DOCK3: variants seen among roughly 807,000 people sequenced by gnomAD.
The protein encoded by DOCK3 is dedicator of cytokinesis 3, also known as dedicator of cytokinesis protein 3.
A neutral mutation model predicts 265.6 loss-of-function variants in DOCK3; 60 were observed. The observed-to-expected ratio is 0.23, with a 90% CI of 0.18 to 0.28. The LOEUF (loss-of-function observed/expected upper bound fraction) is 0.28. Among genes scored for constraint, DOCK3 ranks in the 10% least tolerant of loss-of-function variants. The pLI, the probability that DOCK3 is intolerant of heterozygous loss-of-function variation, is 1.00. For missense variants in DOCK3, 1,981 were observed against 2,594.3 expected (o/e 0.76, Z 5.14); for synonymous variants, 881 against 938.0 (o/e 0.94, Z 1.11).
chr3:50,726,546 G>A (rs556373970), intron 1 of DOCK3, among the ~76,000 whole-genome samples: 23 of 152,276 alleles, frequency 1.5e-4, no homozygotes, highest in African/African-American at 5.1e-4. Context: ...AGTGGCCTTG[G>A]TAAGCACTGA....
At chr3:51,037,203 T>C (rs958539698) in intron 5 of DOCK3, among the ~76,000 whole-genome samples, 2 of 152,248 alleles carry the variant, frequency 1.3e-5, no homozygotes, top group Admixed American at 1.3e-4. Context: ...CAAACAGCTG[T>C]GTAACAACCA....
At chr3:51,284,749 A>G (rs956653184) in intron 27 of DOCK3, among the ~76,000 whole-genome samples, 12 of 152,192 alleles carry the variant, frequency 7.9e-5, no homozygotes, top group African/African-American at 2.4e-5. Flanking sequence ...CACAGTGATA[A>G]GTCCAAGTGT....
chr3:50,877,954 G>T (rs1252887424), intron 3 of DOCK3, among the ~76,000 whole-genome samples: 1 of 152,100 alleles, frequency 6.6e-6, no homozygotes, highest in Non-Finnish European at 1.5e-5. Context: ...AGCAACATTT[G>T]CCGTTCTGCA....
At chr3:50,894,079 T>C (rs2048778001) in intron 4 of DOCK3, among the ~76,000 whole-genome samples, 2 of 151,810 alleles carry the variant, frequency 1.3e-5, no homozygotes, top group African/African-American at 4.8e-5. Flanking sequence ...TGTATACCTA[T>C]GTAACAAACC....
chr3:50,927,960 A>G (rs907797019), intron 4 of DOCK3, among the ~76,000 whole-genome samples: 3 of 152,102 alleles, frequency 2.0e-5, no homozygotes, highest in African/African-American at 7.2e-5. Flanking sequence ...TGTACTCTTA[A>G]GTACTCGTAG....
intron 23 of DOCK3, among the ~76,000 whole-genome samples, chr3:51,260,807 C>T (rs917700671): frequency 1.3e-5 from 2 of 151,942 alleles, no homozygotes; most frequent in African/African-American, 4.8e-5. Context: ...CATGATGAAA[C>T]CCCATCTCTA....
chr3:51,200,839 T>G (rs1374461310), intron 12 of DOCK3, among the ~76,000 whole-genome samples: 5 of 152,258 alleles, frequency 3.3e-5, no homozygotes, highest in African/African-American at 9.6e-5. Flanking sequence ...GCAGAAACTC[T>G]ACAAGCCAGA....
At chr3:51,336,839 A>G (rs1462673342) in intron 35 of DOCK3, 1 of 455,802 alleles carries the variant, frequency 2.2e-6, no homozygotes, top group African/African-American at 2.0e-5. Flanking sequence ...TCCGTGGTAA[A>G]TGTTTCAGAT....
intron 1 of DOCK3, among the ~76,000 whole-genome samples, chr3:50,749,474 G>C (rs2039652116): frequency 6.6e-6 from 1 of 152,200 alleles, no homozygotes; most frequent in Non-Finnish European, 1.5e-5. Context: ...TTCAGATAAT[G>C]AGCTTATTTG....
chr3:50,723,672 C>T (rs1251018578), intron 1 of DOCK3, among the ~76,000 whole-genome samples: 1 of 152,152 alleles, frequency 6.6e-6, no homozygotes, highest in African/African-American at 2.4e-5. Flanking sequence ...GGATCCCTTC[C>T]TTACACCTTT....
intron 2 of DOCK3, among the ~76,000 whole-genome samples, chr3:50,838,223 G>A (rs917718037): frequency 6.6e-6 from 1 of 152,122 alleles, no homozygotes; most frequent in East Asian, 1.9e-4. Context: ...GTTTTTATAG[G>A]TAGAAGGGAT....
intron 5 of DOCK3, among the ~76,000 whole-genome samples, chr3:50,958,676 T>C (rs2076796608): frequency 6.6e-6 from 1 of 152,238 alleles, no homozygotes; most frequent in African/African-American, 2.4e-5. Context: ...GAATGCTTTC[T>C]ATGTTCAGTA....
intron 12 of DOCK3, among the ~76,000 whole-genome samples, chr3:51,203,907 A>G (rs939771664): frequency 2.0e-5 from 3 of 152,220 alleles, no homozygotes; most frequent in African/African-American, 7.2e-5. Context: ...AAAAACAAGC[A>G]ATGGGGAAAG....
chr3:51,277,568 G>T (rs1336648221), intron 25 of DOCK3, 40 bp from the exon 26 acceptor site: 1 of 1,495,652 alleles, frequency 6.7e-7, no homozygotes, highest in South Asian at 1.4e-5. Flanking sequence ...CTTCAGCCTG[G>T]CTTGCTGCTA....
chr3:51,030,914 A>G (rs1361562212), intron 5 of DOCK3, among the ~76,000 whole-genome samples: 1 of 152,132 alleles, frequency 6.6e-6, no homozygotes, highest in Non-Finnish European at 1.5e-5. Flanking sequence ...TCTGATTGGG[A>G]AAATGGCATG....
At chr3:50,970,891 TTATA>T (rs55749209) in intron 5 of DOCK3, among the ~76,000 whole-genome samples, 308 of 11,946 alleles carry the variant, frequency 0.026, 1 homozygote, top group South Asian at 0.034. Context: ...CATCTAATTT[TTATA>T]TATATATATA....
chr3:51,091,145 G>A (rs2082621268), intron 9 of DOCK3, among the ~76,000 whole-genome samples: 1 of 152,168 alleles, frequency 6.6e-6, no homozygotes, highest in Non-Finnish European at 1.5e-5. Context: ...CTCCTAGTAT[G>A]TGCCCTTGGG....
chr3:50,889,069 GTGTGTGT>G (rs1559773776), intron 3 of DOCK3, among the ~76,000 whole-genome samples: 55 of 37,952 alleles, frequency 1.4e-3, no homozygotes, highest in African/African-American at 4.5e-3. Flanking sequence ...AGCCATGGGT[GTGTGTGT>G]GTGTGTGTGT....
intron 4 of DOCK3, among the ~76,000 whole-genome samples, chr3:50,906,876 T>A (rs1490970900): frequency 6.6e-6 from 1 of 152,168 alleles, no homozygotes; most frequent in Non-Finnish European, 1.5e-5. Context: ...CTTTCCTGTT[T>A]TCTTTTGTGG....
Sources: allele counts gnomAD v4.1 joint callset (sites outside exome capture counted in the v4.1 genomes callset), GRCh38; gene constraint gnomAD v4.1.1; transcripts MANE v1.5; gene names NCBI Gene and HGNC (gene_info 2026-07-23, HGNC 2026-07-21).